Variants in TRAF2 observed in about 807,000 individuals in gnomAD.
TRAF2 encodes TNF receptor associated factor 2, also known as TNF receptor-associated factor 2.
TRAF2 carries 6 observed loss-of-function variants against 55.6 expected under a neutral mutation model. The observed-to-expected ratio is 0.11, with a 90% CI of 0.06 to 0.21. The LOEUF (loss-of-function observed/expected upper bound fraction) is 0.21, where lower values mean the gene tolerates loss of function less well. Ranked by LOEUF, TRAF2 falls within the 10% of genes least tolerant of loss-of-function variation. The pLI, the probability that TRAF2 is intolerant of heterozygous loss-of-function variation, is 1.00. For missense variants in TRAF2, 561 were observed against 684.5 expected (o/e 0.82, Z 2.01); for synonymous variants, 329 against 276.3 (o/e 1.19, Z -1.89).
At chr9:136,894,047 CTT>C (rs11415604) in intron 1 of TRAF2, among the ~76,000 whole-genome samples, 8 of 116,798 alleles carry the variant, frequency 6.8e-5, no homozygotes, top group African/African-American at 1.0e-4. Flanking sequence ...TGCGCCTGGC[CTT>C]TTTTTTTTTT....
intron 6 of TRAF2, among the ~76,000 whole-genome samples, chr9:136,914,746 G>A (rs1850199991): frequency 6.6e-6 from 1 of 152,146 alleles, no homozygotes; most frequent in African/African-American, 2.4e-5. Flanking sequence ...TCTCTTTCTA[G>A]TTCTCTTTGC....
At chr9:136,893,714 T>TCC (rs1250391163) in intron 1 of TRAF2, among the ~76,000 whole-genome samples, 11 of 152,170 alleles carry the variant, frequency 7.2e-5, no homozygotes, top group Admixed American at 4.6e-4. Context: ...AAAAAGCACC[T>TCC]CCTATTTGGG....
chr9:136,898,933 A>G lies in TRAF2; in HGVS notation c.188+5A>G, dbSNP rs374730152. On this transcript the variant is annotated splice_donor_5th_base_variant and intron_variant, in intron 2 of 10. Coordinates refer to ENST00000247668, the MANE Select transcript of TRAF2 (RefSeq NM_021138.4). ...CTGCCTGGCCAGCATCCTCAGGTGC[A>G]TGGGGCCTGCAGGCTGGGAGGAGGG... is the stretch of plus-strand genomic sequence containing the variant. The G allele has an allele frequency of 1.4e-5, 22 of 1,599,932 alleles. No homozygotes were observed. The African/African-American group carries it at 2.1e-4, about 16-fold the overall frequency.
At chr9:136,909,519 C>G (rs544166486) in intron 5 of TRAF2, among the ~76,000 whole-genome samples, 1 of 152,268 alleles carries the variant, frequency 6.6e-6, no homozygotes, top group East Asian at 1.9e-4. Flanking sequence ...GTGCCAAGCC[C>G]TCCGCAGCAG....
chr9:136,891,752 G>A (rs1350012785), intron 1 of TRAF2, among the ~76,000 whole-genome samples: 3 of 149,082 alleles, frequency 2.0e-5, no homozygotes, highest in African/African-American at 7.4e-5. Flanking sequence ...ACGAAGTTTC[G>A]CTCTTTGTGC....
At chr9:136,912,011 G>A (rs1222533465) in intron 6 of TRAF2, among the ~76,000 whole-genome samples, 2 of 151,080 alleles carry the variant, frequency 1.3e-5, no homozygotes, top group Non-Finnish European at 3.0e-5. Flanking sequence ...CACCATGCCC[G>A]GCTAATTTTG....
Position 136,916,579 on chromosome 9 carries a change from C to A in TRAF2, c.642C>A (p.Val214=), listed in dbSNP as rs750480729. 1.2e-5 allele frequency: 19 copies of A among 1,614,064 alleles called. No homozygotes were observed. The Middle Eastern group carries it at 6.6e-4, about 56-fold the overall frequency. The part of the protein sequence containing the change: ...DHVKTCGKCR[V]PCRFHAIGCL... The stretch of plus-strand genomic sequence containing the variant: ...TCAAGACTTGTGGCAAGTGTCGAGT[C>A]CCTTGCAGATTCCACGCCATCGGCT... The change falls in exon 7 of 11, where the codon GTC becomes GTA. Residue 214 remains valine (V), a synonymous_variant. Transcript: ENST00000247668.
chr9:136,911,209 C>T (rs907713622), intron 6 of TRAF2, among the ~76,000 whole-genome samples: 3 of 151,906 alleles, frequency 2.0e-5, no homozygotes, highest in Non-Finnish European at 4.4e-5. Context: ...TGTCCCCACC[C>T]ATCACTGTGA....
At chr9:136,924,896 GC>G (rs1334120162) in intron 10 of TRAF2, among the ~76,000 whole-genome samples, 2 of 151,948 alleles carry the variant, frequency 1.3e-5, no homozygotes, top group African/African-American at 2.4e-5. Context: ...GCACCACCAC[GC>G]CCAGCTAATT....
intron 1 of TRAF2, 78 bp from the exon 2 acceptor site, chr9:136,898,635 A>G (rs1357522196): frequency 1.3e-6 from 2 of 1,566,718 alleles, no homozygotes; most frequent in African/African-American, 1.3e-5. Context: ...ATCGCCTGCT[A>G]CTGATCACCA....
rs930676779 is a variant in TRAF2 at position 136,926,326 on chromosome 9, C to T, written c.*425C>T. 2 of 341,250 alleles carry T rather than the reference C, an allele frequency of 5.9e-6. No homozygotes were observed. Among genetic ancestry groups the T allele is most frequent in the African/African-American group, 4.3e-5 (2 of 46,540 alleles). 21.1% of individuals were successfully genotyped at this position (341,250 alleles called of 1,614,324 possible). On this transcript the variant is annotated 3_prime_UTR_variant, in exon 11 of 11. Transcript: ENST00000247668. ...TGACAGGCAGAAACGAGGGCTGCTC[C>T]AGGAGAAGGGCCTCCTGCTGGCCAG...
intron 5 of TRAF2, among the ~76,000 whole-genome samples, chr9:136,909,454 T>A (rs185184963): frequency 6.6e-6 from 1 of 152,262 alleles, no homozygotes; most frequent in African/African-American, 2.4e-5. Flanking sequence ...CTGAGACCCA[T>A]CTGCACTTCC....
intron 7 of TRAF2, among the ~76,000 whole-genome samples, chr9:136,917,589 G>A (rs1009591588): frequency 1.3e-5 from 2 of 152,244 alleles, no homozygotes; most frequent in Non-Finnish European, 2.9e-5. Flanking sequence ...GGCCGTGGGT[G>A]CAGACCCTCC....
Position 136,908,157 on chromosome 9 carries a change from C to G in TRAF2, c.454C>G (p.Leu152Val). Residue 152 changes from leucine (L) to valine (V), a missense_variant, in exon 5 of 11, where the codon CTG (leucine) becomes GTG (valine). Physicochemically the swap from Leu to Val is conservative, Grantham distance 32 (BLOSUM62 1). Coordinates refer to ENST00000247668, the MANE Select transcript of TRAF2 (RefSeq NM_021138.4). ...CCGCCTTGGTGAAAAGGAGCGCCAC[C>G]TGGAGCACGAGTGCCCGGAGAGAAG... The part of the protein sequence containing the change: ...LVRLGEKERH[L>V]EHECPERSLS... 5.0e-6 allele frequency: 8 copies of G among 1,603,766 alleles called. No homozygotes were observed. Among genetic ancestry groups the G allele is most frequent in the Non-Finnish European group, 6.8e-6 (8 of 1,179,898 alleles).
Position 136,920,316 on chromosome 9 carries a change from CAAAG to C in TRAF2, c.762_765del (p.Lys255ProfsTer34). 8.1e-6 allele frequency: 13 copies of C among 1,614,004 alleles called. No individual in the cohort carries two copies. In the South Asian group the frequency reaches 1.4e-4, roughly 18 times the overall value. On this transcript the variant is annotated frameshift_variant, in exon 8 of 11. Transcript: ENST00000247668. LOFTEE classifies it high-confidence loss of function. The stretch of plus-strand genomic sequence containing the variant: ...ATGCTACTGAGCTCGGTGCTGGAGG[CAAAG>C]CCCCTCTTGGGAGACCAGAGCCACG...
Position 136,920,357 on chromosome 9 carries a change from C to G in TRAF2, c.802C>G (p.Leu268Val), listed in dbSNP as rs1172396360. Residue 268 changes from leucine to valine, a missense_variant, in exon 8 of 11, where the codon CTC becomes GTC. Physicochemically the swap from Leu to Val is conservative, Grantham distance 32 (BLOSUM62 1). Around this residue, in one of 2 missense-constraint regions of TRAF2, gnomAD observed 426 missense variants for 476.8 expected, o/e 0.89. Transcript: ENST00000247668. The stretch of plus-strand genomic sequence containing the variant: ...AGACCAGAGCCACGCGGGGTCAGAG[C>G]TCCTGCAGAGGTGCGAGAGCCTGGA... The part of the protein sequence containing the change: ...LGDQSHAGSE[L>V]LQRCESLEKK... The G allele has an allele frequency of 2.5e-6, 4 of 1,614,140 alleles. No individual in the cohort carries two copies. The highest frequency in any genetic ancestry group is 1.7e-4 in the Middle Eastern group (1 of 6,060).
chr9:136,909,836 G>T, intron 5 of TRAF2, 84 bp from the exon 6 acceptor site: 1 of 1,435,330 alleles, frequency 7.0e-7, no homozygotes, highest in East Asian at 2.4e-5. Context: ...CCTCGGCGCT[G>T]CCCAGCCTGA....
rs1337625903 is a variant in TRAF2, at chr9:136,926,098, G to A, written c.*197G>A. The A allele has an allele frequency of 1.3e-6, 1 of 786,272 alleles. No individual in the cohort carries two copies. The highest frequency in any genetic ancestry group is 1.7e-5 in the African/African-American group (1 of 59,578). 48.7% of individuals were successfully genotyped at this position (786,272 alleles called of 1,614,324 possible). The stretch of plus-strand genomic sequence containing the variant: ...AGCCAGTCCTCAGATTTCAGAGACT[G>A]CGGAGGGGCTTGGCAGACGGTCTTA... On this transcript the variant is annotated 3_prime_UTR_variant, in exon 11 of 11. Transcript: ENST00000247668.
chr9:136,914,729 A>G lies in TRAF2; in HGVS notation c.604-1812A>G, dbSNP rs536028162. The stretch of plus-strand genomic sequence containing the variant: ...CTGATCCATGGCAAATTATGTGATG[A>G]CGAAGTTCTCTTTCTAGTTCTCTTT... On this transcript the variant is annotated intron_variant, in intron 6 of 10. Coordinates refer to ENST00000247668, the MANE Select transcript of TRAF2 (RefSeq NM_021138.4). 7.9e-5 allele frequency among the ~76,000 whole-genome samples: 12 copies of G among 152,252 alleles called. No individual in the cohort carries two copies. The East Asian group carries it at 1.9e-3, about 24-fold the overall frequency.
Sources: gnomAD v4.1 joint callset for allele counts (sites outside exome capture counted in the v4.1 genomes callset) on GRCh38, gnomAD v4.1.1 for gene constraint, gnomAD v4.1.1 regional missense constraint, MANE v1.5 for transcripts, NCBI Gene and HGNC (gene_info 2026-07-23, HGNC 2026-07-21) for gene names.